The following NDUFAF5 variants were observed in gnomAD, a reference collection of about 807,000 sequenced individuals.
NDUFAF5 encodes NADH:ubiquinone oxidoreductase complex assembly factor 5, also known as arginine-hydroxylase NDUFAF5, mitochondrial.
NDUFAF5 carries 34 observed loss-of-function variants against 48.9 expected under a neutral mutation model. The observed-to-expected ratio is 0.70, with a 90% CI of 0.53 to 0.93. The LOEUF (loss-of-function observed/expected upper bound fraction) is 0.93, where lower values mean the gene tolerates loss of function less well. Ranked by LOEUF, NDUFAF5 falls within the 40% of genes least tolerant of loss-of-function variation. The probability of loss-of-function intolerance (pLI) is 0.00; values close to 1 mark genes in which losing one functional copy is unlikely to be tolerated. For missense variants in NDUFAF5, 428 were observed against 427.5 expected, an observed-to-expected ratio of 1.00 and a Z score of -0.01; for synonymous variants, 153 against 150.6, an observed-to-expected ratio of 1.02 and a Z score of -0.12.
intron 4 of NDUFAF5, among the ~76,000 whole-genome samples, chr20:13,793,473 A>G (rs753874044): frequency 6.6e-6 from 1 of 151,894 alleles, no homozygotes; most frequent in Non-Finnish European, 1.5e-5. Context: ...CCCCCCCAAC[A>G]CACAACTGTG....
At chr20:13,793,462 GC>G (rs1337819196) in intron 4 of NDUFAF5, among the ~76,000 whole-genome samples, 3 of 151,322 alleles carry the variant, frequency 2.0e-5, no homozygotes, top group African/African-American at 4.9e-5. Context: ...AACTGTCCCC[GC>G]CCCCCCAACA....
At chr20:13,814,068 T>G (rs554160535) in intron 8 of NDUFAF5, 24 of 209,890 alleles carry the variant, frequency 1.1e-4, no homozygotes, top group African/African-American at 5.6e-4. Context: ...TGTTTGTTTG[T>G]TTTTTTTTAA....
At position 13,785,298 on chromosome 20, in the gene NDUFAF5, C is replaced by G. The variant is rs113659919; in HGVS notation, c.222+8C>G. On this transcript the variant is annotated splice_region_variant and intron_variant, in intron 1 of 10. Transcript: ENST00000378106. The stretch of plus-strand genomic sequence containing the variant: ...GACTACCTGAAGGAGGAGGTGAGCC[C>G]GCGGGGCGGCGGGGCGGCGGGGCGG... The G allele has an allele frequency of 3.3e-4, 348 of 1,040,732 alleles. 1 individual carries two copies. Among genetic ancestry groups the G allele is most frequent in the South Asian group, 1.6e-3 (100 of 62,746 alleles). The allele number at this position is 1,040,732 out of a possible 1,614,324, so 64.5% of individuals were successfully genotyped here.
intron 7 of NDUFAF5, 26 bp from the exon 8 acceptor site, chr20:13,808,816 G>A: frequency 6.9e-7 from 1 of 1,451,976 alleles, no homozygotes; most frequent in Non-Finnish European, 9.7e-7. Flanking sequence ...AATGTCAAAT[G>A]AATATTTCTT....
chr20:13,805,293 T>A (rs1372881971), intron 7 of NDUFAF5, among the ~76,000 whole-genome samples: 1 of 152,228 alleles, frequency 6.6e-6, no homozygotes, highest in Non-Finnish European at 1.5e-5. Context: ...GGATTTCTGC[T>A]AATCACCAGA....
At chr20:13,799,955 T>G (rs1005682264) in intron 6 of NDUFAF5, among the ~76,000 whole-genome samples, 12 of 152,168 alleles carry the variant, frequency 7.9e-5, no homozygotes, top group African/African-American at 2.6e-4. Context: ...AGAATGTTAA[T>G]GATCAGATAA....
intron 8 of NDUFAF5, 32 bp downstream of exon 8, chr20:13,808,934 T>C (rs747588769): frequency 2.7e-6 from 4 of 1,461,144 alleles, no homozygotes; most frequent in African/African-American, 2.8e-5. Context: ...TTAGACTCCA[T>C]TGGGAAAGGT....
Position 13,820,315 on chromosome 20 carries a change from AG to A in NDUFAF5, c.*3106del, listed in dbSNP as rs1187330975. ...TGAGTCATGAAGTACCTGTGAGGGA[AG>A]TTTATATATTTTTTCAAACTCTTTT... On this transcript the variant is annotated 3_prime_UTR_variant, in exon 11 of 11. Coordinates refer to ENST00000378106, the MANE Select transcript of NDUFAF5 (RefSeq NM_024120.5). The A allele has an allele frequency of 2.0e-5, 3 of 152,184 alleles. No individual in the cohort carries two copies. Among genetic ancestry groups the A allele is most frequent in the African/African-American group, 7.2e-5 (3 of 41,448 alleles). The allele number at this position is 152,184 out of a possible 1,614,324, so 9.4% of individuals were successfully genotyped here. A position where few individuals can be genotyped will look rare whatever the true frequency, so the allele number is the denominator to read the frequency against.
intron 3 of NDUFAF5, among the ~76,000 whole-genome samples, chr20:13,789,805 G>A (rs1981970088): frequency 1.3e-5 from 2 of 152,156 alleles, no homozygotes; most frequent in African/African-American, 4.8e-5. Context: ...CGTAAAATCT[G>A]CTTAGATAAA....
intron 6 of NDUFAF5, 149 bp from the exon 7 acceptor site, chr20:13,801,337 T>G (rs1984083169): frequency 4.1e-6 from 2 of 487,064 alleles, no homozygotes; most frequent in East Asian, 7.1e-5. Flanking sequence ...GTTGGTTGCA[T>G]TAGATGTTAT....
intron 2 of NDUFAF5, 127 bp downstream of exon 2, chr20:13,787,479 T>A (rs1981387106): frequency 1.1e-6 from 1 of 896,388 alleles, no homozygotes; most frequent in East Asian, 2.4e-5. Flanking sequence ...GTGATTTAAA[T>A]CACTCTGTAA....
intron 1 of NDUFAF5, 48 bp downstream of exon 1, chr20:13,785,338 T>C (rs754739197): frequency 9.2e-6 from 12 of 1,300,432 alleles, no homozygotes; most frequent in African/African-American, 1.4e-5. Context: ...CGCGGAGGCT[T>C]GTTTTCCTCT....
At chr20:13,788,493 T>A in intron 2 of NDUFAF5, 96 bp from the exon 3 acceptor site, 1 of 920,026 alleles carries the variant, frequency 1.1e-6, no homozygotes. Flanking sequence ...CTTCTGGAAG[T>A]TGTGTTTACT....
intron 8 of NDUFAF5, among the ~76,000 whole-genome samples, chr20:13,811,212 T>A (rs1289498354): frequency 1.3e-5 from 2 of 152,006 alleles, no homozygotes; most frequent in Non-Finnish European, 2.9e-5. Context: ...AAAGAGGAGC[T>A]GAGCACAGGT....
chr20:13,818,071 T>C lies in NDUFAF5; in HGVS notation c.*861T>C, dbSNP rs2147636662. On this transcript the variant is annotated 3_prime_UTR_variant, in exon 11 of 11. Transcript: ENST00000378106. The stretch of plus-strand genomic sequence containing the variant: ...TAACCTGGGCACTGCCCTAGCCTCA[T>C]CTTCAGCCTTCAGTGATCTATAATA... 2.2e-6 allele frequency: 1 copy of C among 454,102 alleles called. No homozygotes were observed. Among genetic ancestry groups the C allele is most frequent in the Admixed American group, 2.3e-5 (1 of 42,574 alleles). 28.1% of individuals were successfully genotyped at this position (454,102 alleles called of 1,614,324 possible). A position where few individuals can be genotyped will look rare whatever the true frequency, so the allele number is the denominator to read the frequency against.
intron 7 of NDUFAF5, among the ~76,000 whole-genome samples, chr20:13,807,774 T>C (rs1012592521): frequency 5.3e-5 from 8 of 151,170 alleles, no homozygotes; most frequent in African/African-American, 1.9e-4. Context: ...AAAGCCCGTC[T>C]CTACTAAAAA....
chr20:13,814,351 T>C, intron 8 of NDUFAF5: 1 of 770,686 alleles, frequency 1.3e-6, no homozygotes, highest in South Asian at 1.4e-5. Context: ...GATTTTACAT[T>C]TGTGGTGTAT....
chr20:13,785,045 C>G lies in NDUFAF5; in HGVS notation c.-24C>G. 6.2e-7 allele frequency: 1 copy of G among 1,600,092 alleles called. No individual in the cohort carries two copies. The highest frequency in any genetic ancestry group is 8.5e-7 in the Non-Finnish European group (1 of 1,174,612). On this transcript the variant is annotated 5_prime_UTR_variant, in exon 1 of 11. Transcript: ENST00000378106. ...GCTGGCGCATGCGCACAAAAAGCGC[C>G]GGCAATTGGGGTCGCAGCTGGAGAT...
At position 13,820,183 on chromosome 20, in the gene NDUFAF5, A is replaced by G. The variant is rs555477332; in HGVS notation, c.*2973A>G. On this transcript the variant is annotated 3_prime_UTR_variant, in exon 11 of 11. Coordinates refer to ENST00000378106, the MANE Select transcript of NDUFAF5 (RefSeq NM_024120.5). ...AAGGTAAATATGAAAATGTATACCT[A>G]CAAAAGAATTTTTGCTTTATAGGAA... 6.6e-6 allele frequency: 1 copy of G among 152,334 alleles called. No homozygotes were observed. Among genetic ancestry groups the G allele is most frequent in the South Asian group, 2.1e-4 (1 of 4,828 alleles). The allele number at this position is 152,334 out of a possible 1,614,324, so 9.4% of individuals were successfully genotyped here.
Sources: gnomAD v4.1 joint callset for allele counts (sites outside exome capture counted in the v4.1 genomes callset) on GRCh38, gnomAD v4.1.1 for gene constraint, MANE v1.5 for transcripts, NCBI Gene and HGNC (gene_info 2026-07-23, HGNC 2026-07-21) for gene names.